The following SEC24D variants were observed in gnomAD, a reference collection of about 807,000 sequenced individuals.
SEC24D encodes protein transport protein Sec24D.
SEC24D carries 69 observed loss-of-function variants against 116.9 expected under a neutral mutation model. That is an observed-to-expected ratio of 0.59 (90% CI 0.49 to 0.72). The LOEUF (loss-of-function observed/expected upper bound fraction) is 0.72. Ranked by LOEUF, SEC24D falls within the 30% of genes least tolerant of loss-of-function variation. SEC24D has a pLI of 0.00. For missense variants in SEC24D, 1,131 were observed against 1,264.1 expected, an observed-to-expected ratio of 0.89 and a Z score of 1.60; for synonymous variants, 405 against 442.8, an observed-to-expected ratio of 0.91 and a Z score of 1.07.
chr4:118,764,179 T>C (rs1727523661), intron 10 of SEC24D, among the ~76,000 whole-genome samples: 1 of 152,206 alleles, frequency 6.6e-6, no homozygotes, highest in Non-Finnish European at 1.5e-5. Flanking sequence ...CAATGCTTAA[T>C]GGCCTTACAA....
intron 8 of SEC24D, among the ~76,000 whole-genome samples, chr4:118,780,671 T>G (rs1312581313): frequency 5.9e-5 from 9 of 152,158 alleles, no homozygotes; most frequent in Non-Finnish European, 1.2e-4. Flanking sequence ...ACCTTCTGTC[T>G]CATTGATCTG....
rs191180306 is a variant in SEC24D, at chr4:118,738,403, G to A, written c.2378-24C>T. ...AGCTACATCACAAAACAATGAAAAG[G>A]ACATGAGTTTTAGCTCAGACACTGA... is the stretch of plus-strand genomic sequence containing the variant. On this transcript the variant is annotated intron_variant, in intron 18 of 22. Coordinates refer to ENST00000280551, the MANE Select transcript of SEC24D (RefSeq NM_014822.4). 1,180 of 1,504,240 alleles carry A rather than the reference G, an allele frequency of 7.8e-4. 5 individuals carry two copies. The African/African-American group carries it at 0.014, about 17-fold the overall frequency. 93.2% of individuals were successfully genotyped at this position (1,504,240 alleles called of 1,614,324 possible). A position where few individuals can be genotyped will look rare whatever the true frequency, so the allele number is the denominator to read the frequency against.
chr4:118,744,107 C>A lies in SEC24D; in HGVS notation c.1876G>T (p.Val626Leu). 6.2e-7 allele frequency: 1 copy of A among 1,612,896 alleles called. No homozygotes were observed. The highest frequency in any genetic ancestry group is 2.2e-5 in the East Asian group (1 of 44,786). Residue 626 changes from valine (V) to leucine (L), a missense_variant, in exon 15 of 23, where the codon GTG (valine) becomes TTG (leucine). Transcript: ENST00000280551. The part of the protein sequence containing the change: ...NVYDSLAKDC[V>L]AHGCSVTLFL... ...AGTGTCACAGAGCAGCCGTGAGCCACGCAGTCCTTGGCCAATGAGTCATAG... is the reference window on the plus strand; with the variant it reads ...AGTGTCACAGAGCAGCCGTGAGCCAAGCAGTCCTTGGCCAATGAGTCATAG...
chr4:118,801,814 A>G (rs1052264820), intron 7 of SEC24D, among the ~76,000 whole-genome samples: 3 of 152,236 alleles, frequency 2.0e-5, no homozygotes, highest in Non-Finnish European at 4.4e-5. Context: ...GCAATTGAGA[A>G]TTTGTTTCTA....
intron 6 of SEC24D, among the ~76,000 whole-genome samples, chr4:118,813,234 T>C (rs1162382862): frequency 6.6e-6 from 1 of 152,032 alleles, no homozygotes; most frequent in African/African-American, 2.4e-5. Context: ...TGGAGTCACA[T>C]GGTCACAAGC....
At chr4:118,779,923 G>C (rs1728319984) in intron 8 of SEC24D, among the ~76,000 whole-genome samples, 1 of 152,156 alleles carries the variant, frequency 6.6e-6, no homozygotes, top group Non-Finnish European at 1.5e-5. Context: ...ATGGTAGTTT[G>C]TATTTCTGTG....
intron 13 of SEC24D, among the ~76,000 whole-genome samples, chr4:118,748,864 CTCCATA>C (rs1726676708): frequency 6.6e-6 from 1 of 152,118 alleles, no homozygotes; most frequent in Non-Finnish European, 1.5e-5. Flanking sequence ...TTCTATGGTG[CTCCATA>C]AACCTTTGTG....
chr4:118,808,903 T>C (rs1337488471), intron 6 of SEC24D, among the ~76,000 whole-genome samples: 1 of 151,776 alleles, frequency 6.6e-6, no homozygotes, highest in East Asian at 1.9e-4. Flanking sequence ...GTGTGTGCCA[T>C]GCAAGAAAGG....
At chr4:118,770,915 A>G (rs759949988) in intron 8 of SEC24D, among the ~76,000 whole-genome samples, 2 of 152,180 alleles carry the variant, frequency 1.3e-5, no homozygotes, top group Non-Finnish European at 2.9e-5. Flanking sequence ...ATGGATAGGT[A>G]AGTAAGGTCT....
intron 2 of SEC24D, among the ~76,000 whole-genome samples, chr4:118,828,434 G>A (rs544206487): frequency 1.3e-5 from 2 of 152,058 alleles, no homozygotes; most frequent in East Asian, 3.9e-4. Context: ...TTAACTCTCA[G>A]TCTCCAGACC....
At chr4:118,753,853 T>C (rs779231970) in intron 11 of SEC24D, among the ~76,000 whole-genome samples, 4 of 152,212 alleles carry the variant, frequency 2.6e-5, no homozygotes, top group Non-Finnish European at 5.9e-5. Context: ...CTTTGACCAT[T>C]AGATGTCAGC....
At chr4:118,771,683 T>C (rs572061608) in intron 8 of SEC24D, among the ~76,000 whole-genome samples, 8 of 152,318 alleles carry the variant, frequency 5.3e-5, no homozygotes, top group Admixed American at 3.3e-4. Context: ...AAAACAACTT[T>C]TGATTATTTT....
chr4:118,745,787 C>G lies in SEC24D; in HGVS notation c.1708-727G>C, dbSNP rs527643180. Among the ~76,000 whole-genome samples the G allele has an allele frequency of 9.2e-5, 14 of 152,238 alleles. No individual in the cohort carries two copies. In the South Asian group the frequency reaches 2.9e-3, roughly 32 times the overall value. On this transcript the variant is annotated intron_variant, in intron 13 of 22. Transcript: ENST00000280551. ...GATTCAATATATTGTCCTTCCAACC[C>G]CTGCCTTTTTCCAAGCCATACTGCA...
intron 8 of SEC24D, among the ~76,000 whole-genome samples, chr4:118,776,938 AC>A (rs998516755): frequency 6.6e-6 from 1 of 152,248 alleles, no homozygotes; most frequent in East Asian, 1.9e-4. Context: ...GTTGTGAAAT[AC>A]CCTAAAGATA....
chr4:118,732,820 A>G lies in SEC24D; in HGVS notation c.2589T>C (p.Thr863=), dbSNP rs776965278. 1 of 1,614,130 alleles carries G rather than the reference A, an allele frequency of 6.2e-7. No homozygotes were observed. The highest frequency in any genetic ancestry group is 1.3e-5 in the African/African-American group (1 of 75,044). Reference sequence around the variant, plus strand: ...GCTGTCTCTGGTATGCTCGTTCATCAGTTGAGATCTCTGGTCTGCTGAGTA... The same window carrying G: ...GCTGTCTCTGGTATGCTCGTTCATCGGTTGAGATCTCTGGTCTGCTGAGTA... The part of the protein sequence containing the change: ...CVLLSRPEIS[T]DERAYQRQLV... Residue 863 remains threonine, a synonymous_variant, in exon 20 of 23, where the codon ACT becomes ACC. Transcript: ENST00000280551.
chr4:118,815,811 T>C, intron 4 of SEC24D, 85 bp from the exon 5 acceptor site: 1 of 1,452,868 alleles, frequency 6.9e-7, no homozygotes. Context: ...GAGATGTTTG[T>C]TTTCCTGACA....
At chr4:118,814,852 C>T (rs1291469701) in intron 6 of SEC24D, among the ~76,000 whole-genome samples, 176 bp downstream of exon 6, 2 of 152,106 alleles carry the variant, frequency 1.3e-5, no homozygotes, top group Admixed American at 1.3e-4. Context: ...ATGCCCATAA[C>T]CCTAGCATGC....
chr4:118,784,977 C>G (rs1366687885), intron 8 of SEC24D, among the ~76,000 whole-genome samples: 1 of 151,926 alleles, frequency 6.6e-6, no homozygotes, highest in Admixed American at 6.6e-5. Context: ...TAGTGCATCC[C>G]CAAATGGCTT....
chr4:118,769,410 CA>C (rs963062970), intron 8 of SEC24D, among the ~76,000 whole-genome samples: 1 of 152,088 alleles, frequency 6.6e-6, no homozygotes, highest in African/African-American at 2.4e-5. Context: ...TTAAAGATAA[CA>C]TTTAAAGAAA....
Sources: allele counts gnomAD v4.1 joint callset (sites outside exome capture counted in the v4.1 genomes callset), GRCh38; gene constraint gnomAD v4.1.1; transcripts MANE v1.5; gene names NCBI Gene and HGNC (gene_info 2026-07-23, HGNC 2026-07-21).